Variants in RSL24D1 observed in about 807,000 individuals in gnomAD.
RSL24D1 encodes probable ribosome biogenesis protein RLP24.
In RSL24D1, 6 loss-of-function variants were observed where a neutral mutation model predicts 26.2. That is an observed-to-expected ratio of 0.23 (90% CI 0.13 to 0.45). RSL24D1 has a LOEUF of 0.45. RSL24D1 is among the 20% of genes least tolerant of loss of function. RSL24D1 has a pLI of 0.99. For synonymous variants in RSL24D1, 61 were observed against 59.1 expected (o/e 1.03, Z -0.15); for missense variants, 176 against 202.6 (o/e 0.87, Z 0.80).
chr15:55,190,249 CAAAAAAAAAAAAA>C (rs57254193), intron 3 of RSL24D1, among the ~76,000 whole-genome samples: 3 of 34,494 alleles, frequency 8.7e-5, no homozygotes, highest in African/African-American at 3.4e-4. Flanking sequence ...CTTTCCAACT[CAAAAAAAAAAAAA>C]AAAAAAAAAA....
intron 4 of RSL24D1, among the ~76,000 whole-genome samples, chr15:55,184,855 C>T (rs182841775): frequency 1.3e-5 from 2 of 152,274 alleles, no homozygotes; most frequent in African/African-American, 2.4e-5. Flanking sequence ...AGGTATCAGA[C>T]AAACCCAAAT....
intron 1 of RSL24D1, chr15:55,196,551 C>T: frequency 1.7e-6 from 1 of 592,484 alleles, no homozygotes; most frequent in Non-Finnish European, 3.0e-6. Context: ...TAGGCGCTAG[C>T]TGGGATCGCT....
rs567549767 is a variant in RSL24D1 at position 55,181,115 on chromosome 15, A to G, written c.*1037T>C. On this transcript the variant is annotated 3_prime_UTR_variant, in exon 6 of 6. Transcript: ENST00000260443. ...CTACCCTAAAAAAACCATTATGCAA[A>G]CTGATCGTTACTTAATGTATTTAAC... is the stretch of plus-strand genomic sequence containing the variant. 8 of 152,272 alleles carry G rather than the reference A, an allele frequency of 5.3e-5. No homozygotes were observed. In the South Asian group the frequency reaches 1.7e-3, roughly 32 times the overall value. 9.4% of individuals were successfully genotyped at this position (152,272 alleles called of 1,614,324 possible).
At chr15:55,192,420 T>C (rs1276117978) in intron 2 of RSL24D1, 1 of 237,864 alleles carries the variant, frequency 4.2e-6, no homozygotes, top group Non-Finnish European at 8.1e-6. Flanking sequence ...TTGACTGCTG[T>C]TCAGAAATCC....
At chr15:55,189,193 CAAAAAAAAAAA>C (rs11320888) in intron 3 of RSL24D1, among the ~76,000 whole-genome samples, 64 of 66,536 alleles carry the variant, frequency 9.6e-4, no homozygotes, top group African/African-American at 2.7e-3. Flanking sequence ...ACTCCCATCT[CAAAAAAAAAAA>C]AAAAAAAAAG....
intron 1 of RSL24D1, among the ~76,000 whole-genome samples, chr15:55,195,925 G>T (rs1894350391): frequency 6.6e-6 from 1 of 152,162 alleles, no homozygotes; most frequent in Non-Finnish European, 1.5e-5. Flanking sequence ...CTCCCCCAAA[G>T]ATTCCAACTC....
At chr15:55,187,018 G>C (rs1485763389) in intron 3 of RSL24D1, among the ~76,000 whole-genome samples, 1 of 152,108 alleles carries the variant, frequency 6.6e-6, no homozygotes, top group Admixed American at 6.5e-5. Context: ...TCTGAAATTA[G>C]GTCAAAATAA....
chr15:55,184,252 C>G (rs1408547874), intron 4 of RSL24D1, among the ~76,000 whole-genome samples: 2 of 151,844 alleles, frequency 1.3e-5, no homozygotes, highest in Non-Finnish European at 2.9e-5. Context: ...CATGAATGCA[C>G]TCAAAGAATG....
At chr15:55,183,228 A>G in intron 5 of RSL24D1, 87 bp downstream of exon 5, 1 of 877,078 alleles carries the variant, frequency 1.1e-6, no homozygotes, top group Non-Finnish European at 1.8e-6. Context: ...ACTATGAAAG[A>G]TAATATTTAT....
At chr15:55,193,678 T>G (rs1335404723) in intron 1 of RSL24D1, among the ~76,000 whole-genome samples, 2 of 152,212 alleles carry the variant, frequency 1.3e-5, no homozygotes, top group Admixed American at 6.5e-5. Context: ...ATAATACTTT[T>G]CACCTTTTAT....
intron 5 of RSL24D1, among the ~76,000 whole-genome samples, chr15:55,182,646 T>C (rs1172402556): frequency 5.9e-5 from 9 of 152,196 alleles, no homozygotes; most frequent in Non-Finnish European, 1.3e-4. Flanking sequence ...CTGGTGCTTT[T>C]TGACTATCAG....
At chr15:55,194,931 G>C (rs1217219498) in intron 1 of RSL24D1, among the ~76,000 whole-genome samples, 1 of 150,208 alleles carries the variant, frequency 6.7e-6, no homozygotes, top group South Asian at 2.1e-4. Context: ...GCTGAGGAGG[G>C]AGGACTGCTT....
At position 55,185,412 on chromosome 15, in the gene RSL24D1, C is replaced by G; in HGVS notation, c.282G>C (p.Lys94Asn). The stretch of plus-strand genomic sequence containing the variant: ...GCTTCTGTTTGATTTCTTCAACTCT[C>G]TTCATCGCATCAACTACAAAAAAAT... ...ELWNKTIDAM[K>N]RVEEIKQKRQ... Residue 94 changes from lysine (K) to asparagine (N), a missense_variant, in exon 4 of 6, where the codon AAG (lysine) becomes AAC (asparagine). By Grantham distance (94) the Lys-to-Asn change is moderately conservative. Transcript: ENST00000260443. 1 of 1,607,778 alleles carries G rather than the reference C, an allele frequency of 6.2e-7. No individual in the cohort carries two copies. The highest frequency in any genetic ancestry group is 8.5e-7 in the Non-Finnish European group (1 of 1,177,724).
chr15:55,194,032 C>T (rs942078416), intron 1 of RSL24D1: 4 of 152,088 alleles, frequency 2.6e-5, no homozygotes, highest in Non-Finnish European at 5.9e-5. Context: ...CTAGATATCC[C>T]TTAGGCAAAT....
rs1231865314 is a variant in RSL24D1 at position 55,180,995 on chromosome 15, T to G, written c.*1157A>C. The G allele has an allele frequency of 6.6e-6, 1 of 152,144 alleles. No homozygotes were observed. Among genetic ancestry groups the G allele is most frequent in the African/African-American group, 2.4e-5 (1 of 41,422 alleles). 9.4% of individuals were successfully genotyped at this position (152,144 alleles called of 1,614,324 possible). A position where few individuals can be genotyped will look rare whatever the true frequency, so the allele number is the denominator to read the frequency against. The stretch of plus-strand genomic sequence containing the variant: ...GTCTCCTAACACTTGGTCCAGGGAC[T>G]GGTCTACAGCCTTAGTTTTACTATC... On this transcript the variant is annotated 3_prime_UTR_variant, in exon 6 of 6. Coordinates refer to ENST00000260443, the MANE Select transcript of RSL24D1 (RefSeq NM_016304.3).
chr15:55,196,413 T>C (rs943925181), intron 1 of RSL24D1: 88 of 472,778 alleles, frequency 1.9e-4, no homozygotes, highest in African/African-American at 1.6e-3. Flanking sequence ...CATCAACCTC[T>C]ACACTTTAGT....
chr15:55,186,972 A>G (rs1184940653), intron 3 of RSL24D1, among the ~76,000 whole-genome samples: 3 of 152,186 alleles, frequency 2.0e-5, no homozygotes, highest in South Asian at 2.1e-4. Flanking sequence ...TGGATGAAGG[A>G]TATCAGAGAA....
At chr15:55,193,568 TAAGTTGAATTATCAC>T (rs1253311084) in intron 1 of RSL24D1, among the ~76,000 whole-genome samples, 2 of 152,178 alleles carry the variant, frequency 1.3e-5, no homozygotes, top group Non-Finnish European at 1.5e-5. Flanking sequence ...TAAAGAAAAT[TAAGTTGAATTATCAC>T]ACCTAAAAGG....
At position 55,182,189 on chromosome 15, in the gene RSL24D1, T is replaced by G. The variant is rs763224716; in HGVS notation, c.455A>C (p.Gln152Pro). The G allele has an allele frequency of 6.2e-7, 1 of 1,609,340 alleles. No homozygotes were observed. Among genetic ancestry groups the G allele is most frequent in the Non-Finnish European group, 8.5e-7 (1 of 1,176,046 alleles). ...GKQLEEKMVQQLQEDVDMEDA... is the reference protein window; with the variant it reads ...GKQLEEKMVQPLQEDVDMEDA... ...TTCCATGTCCACATCCTCTTGTAAC[T>G]GCTGTACCATTTTCTCTTCCAACTG... The change falls in exon 6 of 6, where the codon CAG (glutamine) becomes CCG (proline). Residue 152 changes from glutamine (Q) to proline (P), a missense_variant. Gln to Pro is a moderately conservative substitution (Grantham distance 76, BLOSUM62 -1). Transcript: ENST00000260443.
Sources: gnomAD v4.1 joint callset for allele counts (sites outside exome capture counted in the v4.1 genomes callset) on GRCh38, gnomAD v4.1.1 for gene constraint, MANE v1.5 for transcripts, NCBI Gene and HGNC (gene_info 2026-07-23, HGNC 2026-07-21) for gene names.